HLTF: variants seen among roughly 807,000 people sequenced by gnomAD.
The protein encoded by HLTF is helicase like transcription factor, also known as DNA-dependent ATPase/E3 ubiquitin-protein ligase HLTF.
A neutral mutation model predicts 129.4 loss-of-function variants in HLTF; 127 were observed. The observed-to-expected ratio is 0.98, with a 90% CI of 0.85 to 1.14. HLTF has a LOEUF of 1.14. Among genes scored for constraint, HLTF ranks in the 50% most tolerant of loss-of-function variants. The pLI, the probability that HLTF is intolerant of heterozygous loss-of-function variation, is 0.00. For missense variants in HLTF, 1,139 were observed against 1,187.1 expected (o/e 0.96, Z 0.60); for synonymous variants, 332 against 388.8 (o/e 0.85, Z 1.72).
intron 7 of HLTF, among the ~76,000 whole-genome samples, chr3:149,068,788 A>G (rs899538107): frequency 4.6e-5 from 7 of 152,334 alleles, no homozygotes; most frequent in Non-Finnish European, 7.4e-5. Context: ...CATAAAAGAT[A>G]TATTTCTTAT....
At chr3:149,064,351 A>C (rs1267279475) in intron 9 of HLTF, among the ~76,000 whole-genome samples, 1 of 152,186 alleles carries the variant, frequency 6.6e-6, no homozygotes, top group African/African-American at 2.4e-5. Context: ...AAGCTTTATG[A>C]GGGTCATTTA....
chr3:149,059,685 A>C (rs551577445), intron 13 of HLTF, 33 bp downstream of exon 13: 106 of 1,363,518 alleles, frequency 7.8e-5, no homozygotes, highest in Admixed American at 5.2e-4. Flanking sequence ...CAGAAAAAAA[A>C]CCAAAAACTA....
At chr3:149,044,148 T>C (rs976413285) in intron 18 of HLTF, among the ~76,000 whole-genome samples, 3 of 152,132 alleles carry the variant, frequency 2.0e-5, no homozygotes, top group African/African-American at 7.2e-5. Context: ...TCCTCACTTA[T>C]AAGATGTGGA....
chr3:149,042,390 G>C (rs1716206493), intron 18 of HLTF, 100 bp from the exon 19 acceptor site: 1 of 952,398 alleles, frequency 1.0e-6, no homozygotes, highest in African/African-American at 1.7e-5. Flanking sequence ...TTCTTCTCTA[G>C]AAATTACTCC....
At chr3:149,076,461 C>T (rs577183755) in intron 2 of HLTF, among the ~76,000 whole-genome samples, 6 of 152,148 alleles carry the variant, frequency 3.9e-5, no homozygotes, top group Admixed American at 1.3e-4. Flanking sequence ...TCATTATTCC[C>T]ATTTTACAAA....
At chr3:149,075,382 T>C (rs1719255842) in intron 3 of HLTF, among the ~76,000 whole-genome samples, 1 of 152,146 alleles carries the variant, frequency 6.6e-6, no homozygotes, top group Non-Finnish European at 1.5e-5. Context: ...TCTCTGTCTC[T>C]ACTAAAAAAT....
chr3:149,071,677 GAAAC>G lies in HLTF; in HGVS notation c.628-24_628-21del, dbSNP rs539692277. The G allele has an allele frequency of 2.2e-4, 299 of 1,381,490 alleles. 2 individuals are homozygous for G. In the South Asian group the frequency reaches 3.0e-3, roughly 14 times the overall value. 85.6% of individuals were successfully genotyped at this position (1,381,490 alleles called of 1,614,324 possible). A position where few individuals can be genotyped will look rare whatever the true frequency, so the allele number is the denominator to read the frequency against. On this transcript the variant is annotated intron_variant, in intron 5 of 24. Coordinates refer to ENST00000310053, the MANE Select transcript of HLTF (RefSeq NM_003071.4). ...TTTAAGCTACAATAAACAGCAACAA[GAAAC>G]AATGTAAAACAAACTAATTAAAATA...
At chr3:149,059,034 A>G (rs1461705058) in intron 13 of HLTF, among the ~76,000 whole-genome samples, 2 of 152,212 alleles carry the variant, frequency 1.3e-5, no homozygotes, top group Non-Finnish European at 2.9e-5. Context: ...TGTTAGCTTC[A>G]TAAACAAGCC....
At chr3:149,072,952 T>C (rs1363086865) in intron 5 of HLTF, among the ~76,000 whole-genome samples, 4 of 152,238 alleles carry the variant, frequency 2.6e-5, no homozygotes, top group Non-Finnish European at 5.9e-5. Context: ...TTTAAAACAT[T>C]TCAGATACAA....
In HLTF at chr3:149,060,681, A is replaced by T. The variant is rs760340950; in HGVS notation, c.1247T>A (p.Leu416Gln). 3.7e-6 allele frequency: 6 copies of T among 1,613,044 alleles called. No homozygotes were observed. The African/African-American group carries it at 6.7e-5, about 18-fold the overall frequency. The change falls in exon 12 of 25, where the codon CTG (leucine) becomes CAG (glutamine). Residue 416 changes from leucine to glutamine, a missense_variant. By Grantham distance (113) the Leu-to-Gln change is moderately radical. Coordinates refer to ENST00000310053, the MANE Select transcript of HLTF (RefSeq NM_003071.4). Reference sequence around the variant, plus strand: ...TTTAGTTTCAGACTGTACATTTTTCAGTTTGCCTAAAAATAAAACAAAAAT... The same window carrying T: ...TTTAGTTTCAGACTGTACATTTTTCTGTTTGCCTAAAAATAAAACAAAAAT... ...SELPQKMKGK[L>Q]KNVQSETKGR...
rs768799200 is a variant in HLTF at position 149,046,217 on chromosome 3, T to C, written c.1935A>G (p.Thr645=). 1.2e-5 allele frequency: 20 copies of C among 1,601,540 alleles called. No individual in the cohort carries two copies. Among genetic ancestry groups the C allele is most frequent in the East Asian group, 2.2e-5 (1 of 44,624 alleles). ...SLIKNITLRR[T]KTSKIKGKPV... ...GTTTTCCTTTAATTTTGCTTGTCTT[T>C]GTTCTTCTAAGTGTAATATTTTTAA... The change falls in exon 18 of 25, where the codon ACA becomes ACG. Residue 645 remains threonine, a synonymous_variant. Transcript: ENST00000310053.
chr3:149,042,335 A>G, intron 18 of HLTF, 45 bp from the exon 19 acceptor site: 1 of 1,503,188 alleles, frequency 6.7e-7, no homozygotes, highest in African/African-American at 1.4e-5. Context: ...CTAAACAATA[A>G]TAACTTCCTA....
chr3:149,068,253 T>G lies in HLTF; in HGVS notation c.977A>C (p.Asn326Thr), dbSNP rs367685462. The G allele has an allele frequency of 1.7e-5, 25 of 1,512,916 alleles. No homozygotes were observed. Among genetic ancestry groups the G allele is most frequent in the African/African-American group, 1.4e-5 (1 of 72,228 alleles). 93.7% of individuals were successfully genotyped at this position (1,512,916 alleles called of 1,614,324 possible). A position where few individuals can be genotyped will look rare whatever the true frequency, so the allele number is the denominator to read the frequency against. ...RPLPIERVKKNLLKKEYNVND... is the reference protein window; with the variant it reads ...RPLPIERVKKTLLKKEYNVND... ...CTACTACTTTACCTTCTTCAGTAGATTCTTTTTAACTCTTTCAATAGGAAG... is the reference window on the plus strand; with the variant it reads ...CTACTACTTTACCTTCTTCAGTAGAGTCTTTTTAACTCTTTCAATAGGAAG... Residue 326 changes from asparagine (N) to threonine (T), a missense_variant, in exon 8 of 25, where the codon AAT (asparagine) becomes ACT (threonine). Coordinates refer to ENST00000310053, the MANE Select transcript of HLTF (RefSeq NM_003071.4).
At chr3:149,084,233 G>A (rs1720132546) in intron 2 of HLTF, among the ~76,000 whole-genome samples, 1 of 152,072 alleles carries the variant, frequency 6.6e-6, no homozygotes, top group Non-Finnish European at 1.5e-5. Flanking sequence ...CAATGTAAAG[G>A]AAATACAGGA....
intron 21 of HLTF, 45 bp from the exon 22 acceptor site, chr3:149,039,738 G>T: frequency 9.9e-7 from 1 of 1,007,602 alleles, no homozygotes; most frequent in Non-Finnish European, 1.5e-6. Flanking sequence ...TTTTAAATCA[G>T]TAAAATTAGT....
intron 17 of HLTF, 104 bp from the exon 18 acceptor site, chr3:149,046,363 C>CTGTAAAAG (rs1716551475): frequency 1.6e-6 from 1 of 620,324 alleles, no homozygotes; most frequent in African/African-American, 1.9e-5. Context: ...TTTATAGCTT[C>CTGTAAAAG]TGTAAAAGTG....
intron 7 of HLTF, among the ~76,000 whole-genome samples, chr3:149,070,815 C>G: frequency 6.6e-6 from 1 of 152,094 alleles, no homozygotes; most frequent in East Asian, 1.9e-4. Flanking sequence ...GAGGCCAAGG[C>G]GGGCGGATCA....
intron 7 of HLTF, among the ~76,000 whole-genome samples, chr3:149,068,755 A>G (rs941602247): frequency 2.0e-5 from 3 of 152,210 alleles, no homozygotes; most frequent in Non-Finnish European, 2.9e-5. Flanking sequence ...ACCAAGCTTA[A>G]AAGTCATAAC....
intron 14 of HLTF, 85 bp from the exon 15 acceptor site, chr3:149,050,460 G>GT: frequency 1.2e-6 from 1 of 820,798 alleles, no homozygotes; most frequent in Non-Finnish European, 1.8e-6. Context: ...TGCCCTGGCA[G>GT]TAGTGTGACA....
Sources: allele counts gnomAD v4.1 joint callset (sites outside exome capture counted in the v4.1 genomes callset), GRCh38; gene constraint gnomAD v4.1.1; transcripts MANE v1.5; gene names NCBI Gene and HGNC (gene_info 2026-07-23, HGNC 2026-07-21).